The following TC2N variants were observed in gnomAD, a reference collection of about 807,000 sequenced individuals.
TC2N encodes the protein tandem C2 domains nuclear protein.
TC2N carries 51 observed loss-of-function variants against 61.9 expected under a neutral mutation model. The observed-to-expected ratio is 0.82, with a 90% CI of 0.66 to 1.04. The LOEUF is 1.04. TC2N is among the 50% of genes least tolerant of loss of function. The pLI, the probability that TC2N is intolerant of heterozygous loss-of-function variation, is 0.00. For synonymous variants in TC2N, 204 were observed against 192.6 expected, an observed-to-expected ratio of 1.06 and a Z score of -0.49; for missense variants, 556 against 566.7, an observed-to-expected ratio of 0.98 and a Z score of 0.19.
Position 91,783,152 on chromosome 14 carries a change from A to G in TC2N, c.1421T>C (p.Val474Ala), listed in dbSNP as rs1166636221. ...GATAACAACCTTTTCTGGATTTATTACTGTCTCTTTCCACTGGTTCACTGC... is the reference window on the plus strand; with the variant it reads ...GATAACAACCTTTTCTGGATTTATTGCTGTCTCTTTCCACTGGTTCACTGC... ...IEAVNQWKET[V>A]INPEKVVIRW... The change falls in exon 12 of 12, where the codon GTA becomes GCA. Residue 474 changes from valine to alanine, a missense_variant. Val to Ala is a moderately conservative substitution (Grantham distance 64). Transcript: ENST00000435962. The G allele has an allele frequency of 1.9e-6, 3 of 1,612,126 alleles. No individual in the cohort carries two copies. Among genetic ancestry groups the G allele is most frequent in the Non-Finnish European group, 2.5e-6 (3 of 1,178,726 alleles).
At chr14:91,827,692 AC>A in intron 1 of TC2N, among the ~76,000 whole-genome samples, 1 of 152,332 alleles carries the variant, frequency 6.6e-6, no homozygotes, top group South Asian at 2.1e-4. Flanking sequence ...GGGAATTAGG[AC>A]ATGGTAATCT....
chr14:91,824,512 T>C (rs1887404715), intron 1 of TC2N, among the ~76,000 whole-genome samples: 1 of 152,172 alleles, frequency 6.6e-6, no homozygotes, highest in Non-Finnish European at 1.5e-5. Flanking sequence ...AAGCCAGAAA[T>C]ACAAGTGCCA....
chr14:91,848,310 C>T (rs1258418938), intron 1 of TC2N, among the ~76,000 whole-genome samples: 2 of 152,090 alleles, frequency 1.3e-5, no homozygotes, highest in African/African-American at 4.8e-5. Flanking sequence ...GTGGCCAGCC[C>T]GGGCACATAA....
intron 3 of TC2N, among the ~76,000 whole-genome samples, chr14:91,811,152 T>C (rs930935004): frequency 6.6e-6 from 1 of 152,118 alleles, no homozygotes; most frequent in African/African-American, 2.4e-5. Flanking sequence ...AAAGAGATCG[T>C]TGAACCCAGT....
chr14:91,845,007 G>T (rs947504916), intron 1 of TC2N, among the ~76,000 whole-genome samples: 3 of 151,920 alleles, frequency 2.0e-5, no homozygotes, highest in Non-Finnish European at 4.4e-5. Context: ...GGCTGAGAAG[G>T]GGGTGGATCA....
At chr14:91,831,759 G>T (rs1887779871) in intron 1 of TC2N, among the ~76,000 whole-genome samples, 1 of 152,140 alleles carries the variant, frequency 6.6e-6, no homozygotes, top group Non-Finnish European at 1.5e-5. Flanking sequence ...TTTTTAAATA[G>T]ATTTTCTTTT....
At chr14:91,818,163 G>A (rs1887086712) in intron 1 of TC2N, among the ~76,000 whole-genome samples, 1 of 152,098 alleles carries the variant, frequency 6.6e-6, no homozygotes, top group African/African-American at 2.4e-5. Flanking sequence ...TGGAGAATAA[G>A]GCAGCGAGAG....
chr14:91,840,410 G>T (rs1217155572), intron 1 of TC2N, among the ~76,000 whole-genome samples: 1 of 152,112 alleles, frequency 6.6e-6, no homozygotes, highest in Non-Finnish European at 1.5e-5. Flanking sequence ...GCTTATTAAG[G>T]TCATAGAAAC....
chr14:91,820,907 C>T (rs1887217695), intron 1 of TC2N, among the ~76,000 whole-genome samples: 1 of 151,876 alleles, frequency 6.6e-6, no homozygotes, highest in African/African-American at 2.4e-5. Flanking sequence ...AAGTACAAGA[C>T]TTATACACTG....
rs1888416777 is a variant in TC2N at position 91,853,531 on chromosome 14, G to A, written c.-57+13731C>T. Among the ~76,000 whole-genome samples the A allele has an allele frequency of 2.0e-5, 3 of 152,022 alleles. No homozygotes were observed. The South Asian group carries it at 6.2e-4, about 32-fold the overall frequency. On this transcript the variant is annotated intron_variant, in intron 1 of 11. Coordinates refer to ENST00000435962, the MANE Select transcript of TC2N (RefSeq NM_001128596.3). Reference sequence around the variant, plus strand: ...AACTAGATAGTTGATGTCAGAATTAGAAAAGGAACTTTTTGAACATTTCTG... The same window carrying A: ...AACTAGATAGTTGATGTCAGAATTAAAAAAGGAACTTTTTGAACATTTCTG...
chr14:91,789,106 C>T (rs1885510084), intron 9 of TC2N, among the ~76,000 whole-genome samples: 1 of 151,902 alleles, frequency 6.6e-6, no homozygotes, highest in Non-Finnish European at 1.5e-5. Context: ...CAGTTTTGTA[C>T]CCACAATGTA....
rs751626923 is a variant in TC2N, at chr14:91,797,819, A to G, written c.821T>C (p.Val274Ala). ...IKGILTLPKP[V>A]HFKSSAKEGS... ...TTCCTTGGCTGAAGATTTGAAATGC[A>G]CTGGTTTGGGCAATGTAAGTATTCC... Residue 274 changes from valine to alanine, a missense_variant, in exon 8 of 12, where the codon GTG becomes GCG. Coordinates refer to ENST00000435962, the MANE Select transcript of TC2N (RefSeq NM_001128596.3). The G allele has an allele frequency of 2.5e-6, 4 of 1,609,114 alleles. No individual in the cohort carries two copies. Among genetic ancestry groups the G allele is most frequent in the African/African-American group, 2.7e-5 (2 of 74,512 alleles).
intron 3 of TC2N, 124 bp downstream of exon 3, chr14:91,812,188 G>A (rs1886798015): frequency 2.2e-6 from 1 of 447,920 alleles, no homozygotes; most frequent in African/African-American, 2.0e-5. Flanking sequence ...TCTACAGAAA[G>A]AGCAAAATAT....
intron 1 of TC2N, among the ~76,000 whole-genome samples, chr14:91,842,387 G>A (rs1888180773): frequency 6.6e-6 from 1 of 152,222 alleles, no homozygotes; most frequent in Non-Finnish European, 1.5e-5. Flanking sequence ...CTCCCCATGA[G>A]AGGGTGACTG....
intron 1 of TC2N, among the ~76,000 whole-genome samples, chr14:91,825,415 G>A (rs944126740): frequency 1.3e-5 from 2 of 152,124 alleles, no homozygotes; most frequent in African/African-American, 4.8e-5. Flanking sequence ...ATTACAGAGA[G>A]CCAGCTAATA....
At chr14:91,853,511 G>A (rs1365231726) in intron 1 of TC2N, among the ~76,000 whole-genome samples, 1 of 152,126 alleles carries the variant, frequency 6.6e-6, no homozygotes, top group East Asian at 1.9e-4. Flanking sequence ...TTACAAACTA[G>A]ATAGTTGATG....
intron 10 of TC2N, among the ~76,000 whole-genome samples, chr14:91,786,987 C>T (rs944022028): frequency 6.6e-6 from 1 of 152,102 alleles, no homozygotes; most frequent in Non-Finnish European, 1.5e-5. Flanking sequence ...ATTGCTTTTG[C>T]CTGCCCCCAT....
chr14:91,809,168 T>C (rs1240351851), intron 3 of TC2N, among the ~76,000 whole-genome samples: 2 of 152,280 alleles, frequency 1.3e-5, no homozygotes, highest in East Asian at 3.9e-4. Context: ...CCCAGCAATT[T>C]GGGAGCCCAA....
chr14:91,842,115 C>T (rs1888174750), intron 1 of TC2N, among the ~76,000 whole-genome samples: 1 of 151,816 alleles, frequency 6.6e-6, no homozygotes, highest in South Asian at 2.1e-4. Context: ...TGCCAACACA[C>T]CCAGCTAATT....
Sources: allele counts gnomAD v4.1 joint callset (sites outside exome capture counted in the v4.1 genomes callset), GRCh38; gene constraint gnomAD v4.1.1; transcripts MANE v1.5; gene names NCBI Gene and HGNC (gene_info 2026-07-23, HGNC 2026-07-21).